Variants in GADL1 observed in about 807,000 individuals in gnomAD.
GADL1 encodes the protein GAD like acidic amino acid decarboxylase 1.
GADL1 carries 71 observed loss-of-function variants against 69.5 expected under a neutral mutation model. That is an observed-to-expected ratio of 1.02 (90% confidence interval 0.84 to 1.25). The LOEUF is 1.25. Ranked by LOEUF, GADL1 falls within the 50% of genes most tolerant of loss-of-function variation. GADL1 has a pLI of 0.00. For synonymous variants in GADL1, 254 were observed against 214.4 expected, an observed-to-expected ratio of 1.18 and a Z score of -1.62; for missense variants, 737 against 631.8, an observed-to-expected ratio of 1.17 and a Z score of -1.79.
chr3:30,867,794 G>A (rs1290123067), intron 1 of GADL1, among the ~76,000 whole-genome samples: 1 of 151,882 alleles, frequency 6.6e-6, no homozygotes, highest in East Asian at 1.9e-4. Flanking sequence ...GGTAATTGGG[G>A]GCCTCAAAGT....
At chr3:30,773,839 T>A (rs7643658) in intron 14 of GADL1, among the ~76,000 whole-genome samples, 69,927 of 152,046 alleles carry the variant, frequency 0.46, 17,608 homozygotes, top group African/African-American at 0.67. Context: ...TGTTTTATAA[T>A]GTTGCTTTTC....
intron 13 of GADL1, among the ~76,000 whole-genome samples, chr3:30,784,709 A>G (rs1559498867): frequency 6.6e-6 from 1 of 152,176 alleles, no homozygotes; most frequent in Non-Finnish European, 1.5e-5. Flanking sequence ...TGCTTTTTCA[A>G]CATTCCTCTC....
At chr3:30,753,116 G>GT (rs1039205037) in intron 14 of GADL1, among the ~76,000 whole-genome samples, 55 of 152,124 alleles carry the variant, frequency 3.6e-4, no homozygotes, top group African/African-American at 1.3e-3. Flanking sequence ...TTTCTTATGG[G>GT]TGAGTCAGTT....
chr3:30,819,382 G>A (rs1697531195), intron 11 of GADL1, among the ~76,000 whole-genome samples: 2 of 151,910 alleles, frequency 1.3e-5, no homozygotes, highest in Non-Finnish European at 2.9e-5. Context: ...TTTATCTCTG[G>A]TTTCATTCTG....
chr3:30,843,726 G>T (rs1206719063), intron 8 of GADL1, among the ~76,000 whole-genome samples: 1 of 152,204 alleles, frequency 6.6e-6, no homozygotes, highest in Non-Finnish European at 1.5e-5. Context: ...CCCAACAGGG[G>T]TTGATAGTAA....
chr3:30,853,852 C>T lies in GADL1; in HGVS notation c.428+847G>A, dbSNP rs368526199. Among the ~76,000 whole-genome samples, 184 of 152,234 alleles carry T rather than the reference C, an allele frequency of 1.2e-3. 9 individuals carry two copies. The South Asian group carries it at 0.036, about 30-fold the overall frequency. On this transcript the variant is annotated intron_variant, in intron 4 of 14. Transcript: ENST00000282538. ...CCCGACTAAAGTAATGCCCTCCTAA[C>T]GGGTCCCCTCCAACCTATTTATATT...
At position 30,764,436 on chromosome 3, in the gene GADL1, ACTG is replaced by A. The variant is rs369405845; in HGVS notation, c.1392+13740_1392+13742del. Among the ~76,000 whole-genome samples, 350 of 152,320 alleles carry A rather than the reference ACTG, an allele frequency of 2.3e-3. 1 individual carries two copies. The highest frequency in any genetic ancestry group is 7.9e-3 in the African/African-American group (329 of 41,568). On this transcript the variant is annotated intron_variant, in intron 14 of 14. Transcript: ENST00000282538. Reference sequence around the variant, plus strand: ...ACTACAAGACTCCAGTGCATTATAAACTGAATCAAACTGAGCTTTTTTTCCTGT... The same window carrying A: ...ACTACAAGACTCCAGTGCATTATAAAAATCAAACTGAGCTTTTTTTCCTGT...
At chr3:30,879,490 T>G (rs1160804188) in intron 1 of GADL1, among the ~76,000 whole-genome samples, 15 of 151,924 alleles carry the variant, frequency 9.9e-5, no homozygotes, top group African/African-American at 3.4e-4. Flanking sequence ...ACTTTGGCTT[T>G]GATAAGTCTG....
intron 14 of GADL1, among the ~76,000 whole-genome samples, chr3:30,753,619 C>T (rs1383693165): frequency 1.5e-5 from 2 of 136,674 alleles, no homozygotes; most frequent in African/African-American, 5.8e-5. Flanking sequence ...TGTTTTCTTA[C>T]AGTACTTAAG....
intron 14 of GADL1, 79 bp downstream of exon 14, chr3:30,778,100 T>A (rs2125495932): frequency 1.2e-6 from 1 of 832,634 alleles, no homozygotes. Flanking sequence ...TGCTAGGCCC[T>A]CTTATTTATA....
intron 4 of GADL1, among the ~76,000 whole-genome samples, chr3:30,853,935 T>C (rs2125533632): frequency 6.6e-6 from 1 of 152,254 alleles, no homozygotes; most frequent in South Asian, 2.1e-4. Flanking sequence ...CTTCAATGGC[T>C]TTTTGTTACA....
At chr3:30,765,951 A>T (rs1374156675) in intron 14 of GADL1, among the ~76,000 whole-genome samples, 1 of 147,186 alleles carries the variant, frequency 6.8e-6, no homozygotes, top group African/African-American at 2.5e-5. Flanking sequence ...CAAGACGGGA[A>T]GAAAATGTGT....
intron 14 of GADL1, among the ~76,000 whole-genome samples, chr3:30,739,971 G>A (rs1027715107): frequency 3.9e-5 from 6 of 152,110 alleles, no homozygotes; most frequent in African/African-American, 7.2e-5. Context: ...ATTAATGAAA[G>A]CAAGTTACAC....
chr3:30,782,738 C>T (rs913437104), intron 13 of GADL1, among the ~76,000 whole-genome samples: 3 of 152,044 alleles, frequency 2.0e-5, no homozygotes. Context: ...TGAAAAGTCC[C>T]TTACATGGAG....
chr3:30,768,347 G>GTTA (rs1378497240), intron 14 of GADL1, among the ~76,000 whole-genome samples: 3 of 152,140 alleles, frequency 2.0e-5, no homozygotes, highest in African/African-American at 7.2e-5. Context: ...GGGACTACTT[G>GTTA]TTATAGAGGG....
chr3:30,871,665 T>C lies in GADL1; in HGVS notation c.38-9900A>G, dbSNP rs575819943. Among the ~76,000 whole-genome samples the C allele has an allele frequency of 3.4e-4, 52 of 151,918 alleles. 1 individual carries two copies. The South Asian group carries it at 1.0e-2, about 29-fold the overall frequency. ...GAACATGTTCCCGTCACCCAGAGTTTTACATTATGAGACTACGTTGTGTTA... is the reference window on the plus strand; with the variant it reads ...GAACATGTTCCCGTCACCCAGAGTTCTACATTATGAGACTACGTTGTGTTA... On this transcript the variant is annotated intron_variant, in intron 1 of 14. Transcript: ENST00000282538.
chr3:30,754,604 A>G (rs1026016246), intron 14 of GADL1, among the ~76,000 whole-genome samples: 2 of 147,846 alleles, frequency 1.4e-5, no homozygotes, highest in Admixed American at 1.3e-4. Context: ...AGTTTGGAAG[A>G]TAGTTGACTG....
At chr3:30,869,587 A>AGTTTTC (rs1698452077) in intron 1 of GADL1, among the ~76,000 whole-genome samples, 1 of 151,852 alleles carries the variant, frequency 6.6e-6, no homozygotes, top group Admixed American at 6.6e-5. Flanking sequence ...ACAGAAAACT[A>AGTTTTC]TGTTTACAAC....
At position 30,844,477 on chromosome 3, in the gene GADL1, A is replaced by G; in HGVS notation, c.652-11T>C. On this transcript the variant is annotated splice_polypyrimidine_tract_variant and intron_variant, in intron 6 of 14. Coordinates refer to ENST00000282538, the MANE Select transcript of GADL1 (RefSeq NM_207359.3). Reference sequence around the variant, plus strand: ...CATAGAGTAATGACACTGAATTCAAAGGGACAGTGGGGAAGGGGGAGACAT... The same window carrying G: ...CATAGAGTAATGACACTGAATTCAAGGGGACAGTGGGGAAGGGGGAGACAT... 6.4e-7 allele frequency: 1 copy of G among 1,565,124 alleles called. No individual in the cohort carries two copies. The highest frequency in any genetic ancestry group is 8.8e-7 in the Non-Finnish European group (1 of 1,135,490).
Sources: gnomAD v4.1 joint callset for allele counts (sites outside exome capture counted in the v4.1 genomes callset) on GRCh38, gnomAD v4.1.1 for gene constraint, MANE v1.5 for transcripts, NCBI Gene and HGNC (gene_info 2026-07-23, HGNC 2026-07-21) for gene names.